Variants in LRP1B observed in about 807,000 individuals in gnomAD.
LRP1B encodes low-density lipoprotein receptor-related protein 1B.
Under a neutral mutation model 556.6 loss-of-function variants are expected in LRP1B, and 217 were observed. The ratio of observed to expected loss-of-function variants is 0.39; its 90% confidence interval spans 0.35 to 0.44. The LOEUF is 0.44. Ranked by LOEUF, LRP1B falls within the 20% of genes least tolerant of loss-of-function variation. LRP1B has a pLI of 1.00. For missense variants in LRP1B, 5,053 were observed against 5,620.8 expected (o/e 0.90, Z 3.23); for synonymous variants, 2,047 against 1,865.8 (o/e 1.10, Z -2.50).
At chr2:141,781,339 C>CA (rs1695247809) in intron 2 of LRP1B, among the ~76,000 whole-genome samples, 1 of 152,070 alleles carries the variant, frequency 6.6e-6, no homozygotes, top group African/African-American at 2.4e-5. Flanking sequence ...CCTAGTCGTG[C>CA]AAAAAACAAA....
At chr2:141,955,289 G>A (rs1363001114) in intron 1 of LRP1B, among the ~76,000 whole-genome samples, 1 of 151,984 alleles carries the variant, frequency 6.6e-6, no homozygotes, top group Non-Finnish European at 1.5e-5. Flanking sequence ...CTTTTACTAA[G>A]TTCATGTATT....
At chr2:141,799,982 T>G (rs575196918) in intron 2 of LRP1B, among the ~76,000 whole-genome samples, 1 of 152,178 alleles carries the variant, frequency 6.6e-6, no homozygotes, top group Non-Finnish European at 1.5e-5. Flanking sequence ...ACTCTTATGA[T>G]CATATCCTTT....
intron 2 of LRP1B, among the ~76,000 whole-genome samples, chr2:141,665,358 G>A (rs1690387783): frequency 6.6e-6 from 1 of 152,134 alleles, no homozygotes; most frequent in South Asian, 2.1e-4. Context: ...TTAGAGAAAT[G>A]CAAATCAAAA....
chr2:141,576,101 C>T (rs1368728342), intron 2 of LRP1B, among the ~76,000 whole-genome samples: 2 of 152,080 alleles, frequency 1.3e-5, no homozygotes, highest in Non-Finnish European at 2.9e-5. Flanking sequence ...GGGTGTATAC[C>T]CAAAGGAATA....
rs547155499 is a variant in LRP1B at position 141,827,831 on chromosome 2, G to GTA, written c.83-17432_83-17431dup. Among the ~76,000 whole-genome samples the GTA allele has an allele frequency of 1.9e-3, 285 of 151,898 alleles. 2 individuals carry two copies. Among genetic ancestry groups the GTA allele is most frequent in the African/African-American group, 5.9e-3 (246 of 41,408 alleles). ...AATACACAGTAAATATTGCTATAAA[G>GTA]TATATATATACTTTATCTACATATC... On this transcript the variant is annotated intron_variant, in intron 1 of 90. Coordinates refer to ENST00000389484, the MANE Select transcript of LRP1B (RefSeq NM_018557.3).
intron 2 of LRP1B, among the ~76,000 whole-genome samples, chr2:141,694,928 T>A (rs1691680526): frequency 6.6e-6 from 1 of 151,984 alleles, no homozygotes; most frequent in African/African-American, 2.4e-5. Context: ...TTTAGATAGT[T>A]TTTTCTTTTT....
At chr2:140,519,014 T>C (rs11890272) in intron 49 of LRP1B, among the ~76,000 whole-genome samples, 109,959 of 152,022 alleles carry the variant, frequency 0.72, 40,311 homozygotes, top group Middle Eastern at 0.87. Context: ...AGAATCAATA[T>C]CATAAAACTG....
Position 140,884,801 on chromosome 2 carries a change from T to A in LRP1B, c.3965-780A>T, listed in dbSNP as rs895398230. Reference sequence around the variant, plus strand: ...GATCACGGCTCATTGCAGCCTCAACTTCCAGGGCTCAGATGATTCTCCTAC... The same window carrying A: ...GATCACGGCTCATTGCAGCCTCAACATCCAGGGCTCAGATGATTCTCCTAC... On this transcript the variant is annotated intron_variant, in intron 24 of 90. Transcript: ENST00000389484. 1.2e-4 allele frequency among the ~76,000 whole-genome samples: 19 copies of A among 152,040 alleles called. 1 individual carries two copies. Among genetic ancestry groups the A allele is most frequent in the Admixed American group, 1.1e-3 (17 of 15,252 alleles).
chr2:141,046,895 A>C (rs530722667), intron 11 of LRP1B, among the ~76,000 whole-genome samples: 3 of 152,158 alleles, frequency 2.0e-5, no homozygotes, highest in African/African-American at 7.2e-5. Flanking sequence ...CAACCTGGCC[A>C]ACATGGTGAA....
intron 3 of LRP1B, among the ~76,000 whole-genome samples, chr2:141,339,019 G>T (rs3109352): frequency 2.0e-5 from 3 of 151,660 alleles, no homozygotes; most frequent in East Asian, 3.9e-4. Flanking sequence ...ATTTTCTCTC[G>T]GTGAGAATGT....
intron 11 of LRP1B, among the ~76,000 whole-genome samples, chr2:141,048,130 T>C (rs1359408437): frequency 1.3e-5 from 2 of 152,266 alleles, no homozygotes; most frequent in East Asian, 1.9e-4. Flanking sequence ...GATATAGCTA[T>C]CGTGATGTCC....
intron 32 of LRP1B, among the ~76,000 whole-genome samples, chr2:140,803,540 C>T (rs1481242939): frequency 6.6e-6 from 1 of 151,974 alleles, no homozygotes; most frequent in Admixed American, 6.5e-5. Context: ...TCTCGTGATC[C>T]ACTCGCCTTG....
At chr2:140,672,482 T>TAAAAAAAAAAAAAAAAAAAAAAAAAAAA (rs55884730) in intron 41 of LRP1B, among the ~76,000 whole-genome samples, 1 of 81,578 alleles carries the variant, frequency 1.2e-5, no homozygotes, top group African/African-American at 5.5e-5. Flanking sequence ...AGACTCCATC[T>TAAAAAAAAAAAAAAAAAAAAAAAAAAAA]AAAAAAAAAA....
chr2:142,086,616 C>T (rs1349642529), intron 1 of LRP1B, among the ~76,000 whole-genome samples: 3 of 26,602 alleles, frequency 1.1e-4, no homozygotes, highest in Non-Finnish European at 3.7e-4. Flanking sequence ...ATCTCAAAAA[C>T]AAACAAACAA....
At chr2:140,536,944 T>C (rs973940164) in intron 45 of LRP1B, among the ~76,000 whole-genome samples, 8 of 150,336 alleles carry the variant, frequency 5.3e-5, no homozygotes, top group Middle Eastern at 3.2e-3. Flanking sequence ...GAGGCTGAGG[T>C]GGGTAGATCA....
chr2:142,124,269 G>T, intron 1 of LRP1B, among the ~76,000 whole-genome samples: 1 of 151,846 alleles, frequency 6.6e-6, no homozygotes, highest in African/African-American at 2.4e-5. Context: ...TTCCACTAAG[G>T]ATACTTACAA....
rs777671398 is a variant in LRP1B at position 140,851,723 on chromosome 2, T to C, written c.4640A>G (p.Asn1547Ser). 11 of 1,610,646 alleles carry C rather than the reference T, an allele frequency of 6.8e-6. No homozygotes were observed. The highest frequency in any genetic ancestry group is 5.4e-5 in the African/African-American group (4 of 74,736). ...KGPCSHMCLI[N>S]HNRSAACACP... ...CGCACAGGCAGCACTCCTATTGTGATTGATTAGACACATGTGAGAGCAGGG... is the reference window on the plus strand; with the variant it reads ...CGCACAGGCAGCACTCCTATTGTGACTGATTAGACACATGTGAGAGCAGGG... The change falls in exon 28 of 91, where the codon AAT (asparagine) becomes AGT (serine). Residue 1547 changes from asparagine (N) to serine (S), a missense_variant. Transcript: ENST00000389484.
chr2:141,161,566 C>A (rs1680035453), intron 7 of LRP1B, among the ~76,000 whole-genome samples: 1 of 152,048 alleles, frequency 6.6e-6, no homozygotes, highest in African/African-American at 2.4e-5. Context: ...ACTTCCACAC[C>A]TTTGTAAAGC....
chr2:141,183,745 C>T (rs1681114458), intron 7 of LRP1B, among the ~76,000 whole-genome samples: 1 of 152,026 alleles, frequency 6.6e-6, no homozygotes, highest in African/African-American at 2.4e-5. Flanking sequence ...GATCTTCCCC[C>T]TCCCTCAATT....
Sources: allele counts gnomAD v4.1 joint callset (sites outside exome capture counted in the v4.1 genomes callset), GRCh38; gene constraint gnomAD v4.1.1; transcripts MANE v1.5; gene names NCBI Gene and HGNC (gene_info 2026-07-23, HGNC 2026-07-21).